PPA2: variants seen among roughly 807,000 people sequenced by gnomAD.
PPA2 encodes inorganic pyrophosphatase 2.
In PPA2, 48 loss-of-function variants were observed where a neutral mutation model predicts 49.5. That is an observed-to-expected ratio of 0.97 (90% confidence interval 0.77 to 1.23). The LOEUF is 1.23. Among genes scored for constraint, PPA2 ranks in the 50% most tolerant of loss-of-function variants. The pLI is 0.00. For missense variants in PPA2, 429 were observed against 410.1 expected (o/e 1.05, Z -0.40); for synonymous variants, 131 against 139.9 (o/e 0.94, Z 0.45).
At chr4:105,389,128 G>A (rs562027854) in intron 9 of PPA2, among the ~76,000 whole-genome samples, 1 of 152,140 alleles carries the variant, frequency 6.6e-6, no homozygotes, top group Non-Finnish European at 1.5e-5. Context: ...ATAGTTATTT[G>A]TACTTTGAAT....
At chr4:105,473,865 C>T (rs201709751) in intron 1 of PPA2, 29 bp downstream of exon 1, 95 of 1,576,466 alleles carry the variant, frequency 6.0e-5, no homozygotes, top group Admixed American at 4.2e-4. Context: ...TCCGGTGCGC[C>T]GCTCGGCGAA....
Position 105,437,887 on chromosome 4 carries a change from G to T in PPA2, c.528+63C>A. On this transcript the variant is annotated intron_variant, in intron 6 of 11. Transcript: ENST00000341695. ...GAGTTGAAGAACTAGAGGCTAAAAT[G>T]AAATTTTATGGCATGAATAAACCAA... The T allele has an allele frequency of 4.6e-6, 6 of 1,312,992 alleles. No homozygotes were observed. In the South Asian group the frequency reaches 6.9e-5, roughly 15 times the overall value. 81.3% of individuals were successfully genotyped at this position (1,312,992 alleles called of 1,614,324 possible).
chr4:105,380,687 T>C (rs1733451872), intron 10 of PPA2, among the ~76,000 whole-genome samples: 1 of 152,158 alleles, frequency 6.6e-6, no homozygotes. Flanking sequence ...GTGCTGAAAT[T>C]GACGTTTACT....
chr4:105,429,014 G>A (rs1723670728), intron 6 of PPA2, among the ~76,000 whole-genome samples: 1 of 152,108 alleles, frequency 6.6e-6, no homozygotes. Flanking sequence ...ATAGGTAGTT[G>A]CCTGTCATCT....
intron 4 of PPA2, among the ~76,000 whole-genome samples, chr4:105,447,135 A>G (rs1264354205): frequency 6.6e-6 from 1 of 152,190 alleles, no homozygotes; most frequent in Admixed American, 6.5e-5. Context: ...TATATAATCA[A>G]CCTAAGTGTC....
At chr4:105,380,946 A>G (rs1463604707) in intron 10 of PPA2, among the ~76,000 whole-genome samples, 1 of 152,144 alleles carries the variant, frequency 6.6e-6, no homozygotes, top group Non-Finnish European at 1.5e-5. Context: ...ATAGGCATCA[A>G]GTTTACTAGA....
At chr4:105,450,740 T>C (rs1026416359) in intron 3 of PPA2, among the ~76,000 whole-genome samples, 1 of 151,432 alleles carries the variant, frequency 6.6e-6, no homozygotes, top group East Asian at 2.0e-4. Context: ...CCCGAGTAGC[T>C]GGGACTACAG....
chr4:105,472,368 T>C (rs531733183), intron 1 of PPA2, among the ~76,000 whole-genome samples: 1 of 152,336 alleles, frequency 6.6e-6, no homozygotes, highest in South Asian at 2.1e-4. Flanking sequence ...TCCATAATTA[T>C]AGTAATATTG....
intron 7 of PPA2, among the ~76,000 whole-genome samples, chr4:105,406,114 C>CAAAAAA (rs35468715): frequency 4.1e-5 from 4 of 97,588 alleles, no homozygotes; most frequent in Admixed American, 1.1e-4. Flanking sequence ...TATAAAACTT[C>CAAAAAA]AAAAAAAAAA....
At chr4:105,386,425 G>T in intron 10 of PPA2, 142 bp downstream of exon 10, 1 of 609,352 alleles carries the variant, frequency 1.6e-6, no homozygotes, top group Non-Finnish European at 2.6e-6. Flanking sequence ...TTGAATTACA[G>T]AAATAGATTT....
At chr4:105,438,106 T>G in intron 5 of PPA2, 70 bp from the exon 6 acceptor site, 1 of 1,107,232 alleles carries the variant, frequency 9.0e-7, no homozygotes, top group Non-Finnish European at 1.3e-6. Flanking sequence ...TCTTTCCACA[T>G]AATCACAAAG....
chr4:105,390,799 C>A (rs906269138), intron 9 of PPA2, among the ~76,000 whole-genome samples: 1 of 152,044 alleles, frequency 6.6e-6, no homozygotes, highest in Non-Finnish European at 1.5e-5. Flanking sequence ...GATCTAGAAC[C>A]AGAAATACCA....
At chr4:105,407,961 T>C (rs1360784208) in intron 7 of PPA2, among the ~76,000 whole-genome samples, 3 of 152,180 alleles carry the variant, frequency 2.0e-5, no homozygotes, top group Non-Finnish European at 4.4e-5. Context: ...CTGAATTGGA[T>C]ACTTAAAATG....
intron 1 of PPA2, chr4:105,473,560 T>A: frequency 1.9e-6 from 1 of 525,084 alleles, no homozygotes. Context: ...GGCCGGCTAA[T>A]GGCTGCAGGC....
At chr4:105,464,577 C>T (rs1723224702) in intron 1 of PPA2, among the ~76,000 whole-genome samples, 1 of 152,140 alleles carries the variant, frequency 6.6e-6, no homozygotes, top group Non-Finnish European at 1.5e-5. Context: ...TGTGTCCCCA[C>T]CCAAATCTCA....
At chr4:105,435,149 C>T (rs907665765) in intron 6 of PPA2, among the ~76,000 whole-genome samples, 2 of 152,138 alleles carry the variant, frequency 1.3e-5, no homozygotes, top group Admixed American at 6.5e-5. Flanking sequence ...AAAGTGACTT[C>T]CTACCACTAT....
intron 6 of PPA2, among the ~76,000 whole-genome samples, chr4:105,434,624 C>A (rs1408274137): frequency 6.6e-6 from 1 of 152,178 alleles, no homozygotes; most frequent in Non-Finnish European, 1.5e-5. Context: ...TCCTGGAAAT[C>A]ACATATAGCT....
At chr4:105,445,838 T>C (rs2110300110) in intron 5 of PPA2, among the ~76,000 whole-genome samples, 1 of 152,232 alleles carries the variant, frequency 6.6e-6, no homozygotes, top group East Asian at 1.9e-4. Flanking sequence ...ATAGTTGTTA[T>C]TCTCCAACAG....
intron 6 of PPA2, among the ~76,000 whole-genome samples, chr4:105,436,047 G>C (rs1344399783): frequency 1.3e-5 from 2 of 152,080 alleles, no homozygotes; most frequent in Non-Finnish European, 2.9e-5. Flanking sequence ...TGATAGTGTA[G>C]CTAGGAAACC....
Sources: gnomAD v4.1 joint callset for allele counts (sites outside exome capture counted in the v4.1 genomes callset) on GRCh38, gnomAD v4.1.1 for gene constraint, MANE v1.5 for transcripts, NCBI Gene and HGNC (gene_info 2026-07-23, HGNC 2026-07-21) for gene names.